BRINP3: variants seen among roughly 807,000 people sequenced by gnomAD.
BRINP3 encodes BMP/retinoic acid-inducible neural-specific protein 3.
A neutral mutation model predicts 71.0 loss-of-function variants in BRINP3; 19 were observed. The observed-to-expected ratio is 0.27, with a 90% CI of 0.19 to 0.39. The LOEUF (loss-of-function observed/expected upper bound fraction) is 0.39, where lower values mean the gene tolerates loss of function less well. Among genes scored for constraint, BRINP3 ranks in the 10% least tolerant of loss-of-function variants. The pLI is 1.00. For missense variants in BRINP3, 959 were observed against 940.8 expected, an observed-to-expected ratio of 1.02 and a Z score of -0.25; for synonymous variants, 380 against 337.7, an observed-to-expected ratio of 1.13 and a Z score of -1.37.
intron 2 of BRINP3, among the ~76,000 whole-genome samples, chr1:190,387,094 T>C (rs1027599449): frequency 7.2e-5 from 11 of 152,004 alleles, no homozygotes; most frequent in African/African-American, 2.7e-4. Context: ...GGGCAATTAA[T>C]GCATGCTTTT....
At chr1:190,401,891 C>G (rs1036924633) in intron 2 of BRINP3, among the ~76,000 whole-genome samples, 4 of 151,862 alleles carry the variant, frequency 2.6e-5, no homozygotes, top group African/African-American at 9.7e-5. Context: ...CCCAACCATG[C>G]CTTCCATTCA....
intron 2 of BRINP3, among the ~76,000 whole-genome samples, chr1:190,421,894 T>G (rs937365949): frequency 6.6e-6 from 1 of 151,872 alleles, no homozygotes; most frequent in Non-Finnish European, 1.5e-5. Context: ...TTTGTGGACA[T>G]TCCTTGCATT....
intron 3 of BRINP3, among the ~76,000 whole-genome samples, chr1:190,273,549 A>T (rs543985050): frequency 6.6e-6 from 1 of 151,708 alleles, no homozygotes; most frequent in South Asian, 2.1e-4. Context: ...TTCATAGAAA[A>T]TGGGAAACAG....
chr1:190,400,544 C>A (rs953344300), intron 2 of BRINP3, among the ~76,000 whole-genome samples: 1 of 152,232 alleles, frequency 6.6e-6, no homozygotes, highest in Non-Finnish European at 1.5e-5. Flanking sequence ...GAGGTTTCAG[C>A]GTGAGGTTTT....
chr1:190,296,021 C>T (rs1002132710), intron 2 of BRINP3, among the ~76,000 whole-genome samples: 2 of 150,054 alleles, frequency 1.3e-5, no homozygotes, highest in African/African-American at 4.9e-5. Context: ...TGATCTGGCT[C>T]CTCATTTGTC....
At chr1:190,154,414 G>T (rs1439502796) in intron 7 of BRINP3, among the ~76,000 whole-genome samples, 1 of 152,100 alleles carries the variant, frequency 6.6e-6, no homozygotes, top group Admixed American at 6.6e-5. Context: ...GGAAAAGAGG[G>T]CAAGATCCTA....
At chr1:190,174,148 G>A (rs1007084731) in intron 6 of BRINP3, among the ~76,000 whole-genome samples, 5 of 152,044 alleles carry the variant, frequency 3.3e-5, no homozygotes, top group African/African-American at 1.2e-4. Context: ...TAATTTACAT[G>A]TTACTTCAGT....
intron 6 of BRINP3, among the ~76,000 whole-genome samples, chr1:190,217,960 T>C (rs1401647351): frequency 6.6e-6 from 1 of 152,066 alleles, no homozygotes; most frequent in Non-Finnish European, 1.5e-5. Context: ...ACATAACATG[T>C]AGTGAGCTTT....
Position 190,226,177 on chromosome 1 carries a change from C to T in BRINP3, c.866G>A (p.Cys289Tyr). Residue 289 changes from cysteine (C) to tyrosine (Y), a missense_variant, in exon 6 of 8, where the codon TGC becomes TAC. Transcript: ENST00000367462. ...TTGAATGTCCATGGAGGGGCAGTTGCATTCTGGAAATTTGGGACCACAGTG... is the reference window on the plus strand; with the variant it reads ...TTGAATGTCCATGGAGGGGCAGTTGTATTCTGGAAATTTGGGACCACAGTG... ...WCHCGPKFPECNCPSMDIQAM... is the reference protein window; with the variant it reads ...WCHCGPKFPEYNCPSMDIQAM... 1 of 1,612,606 alleles carries T rather than the reference C, an allele frequency of 6.2e-7. No homozygotes were observed. Among genetic ancestry groups the T allele is most frequent in the Non-Finnish European group, 8.5e-7 (1 of 1,179,112 alleles).
intron 2 of BRINP3, among the ~76,000 whole-genome samples, chr1:190,452,725 G>A (rs1675700472): frequency 6.6e-6 from 1 of 151,998 alleles, no homozygotes; most frequent in Admixed American, 6.6e-5. Flanking sequence ...GCGCGGTGGC[G>A]GGCGCCTATT....
chr1:190,106,469 T>C (rs1217417653), intron 7 of BRINP3, among the ~76,000 whole-genome samples: 4 of 151,708 alleles, frequency 2.6e-5, no homozygotes, highest in African/African-American at 2.4e-5. Context: ...TTTAAAAGTA[T>C]AATATTATTT....
At chr1:190,229,645 A>AACACACACACACACACACACAC (rs71794093) in intron 5 of BRINP3, among the ~76,000 whole-genome samples, 1 of 133,414 alleles carries the variant, frequency 7.5e-6, no homozygotes, top group Non-Finnish European at 1.6e-5. Flanking sequence ...AACAAAACAA[A>AACACACACACACACACACACAC]ACACACACAC....
Position 190,226,309 on chromosome 1 carries a change from ACTTGAAGCC to A in BRINP3, c.725_733del (p.Gly242_Gln244del). Reference sequence around the variant, plus strand: ...TTCCTGAAGATAGTCTGGGAGAAGTACTTGAAGCCCTTGAAGAACAAACAAAGAAATTAA... The same window carrying A: ...TTCCTGAAGATAGTCTGGGAGAAGTACTTGAAGAACAAACAAAGAAATTAA... On this transcript the variant is annotated inframe_deletion and splice_region_variant, in exon 6 of 8. Transcript: ENST00000367462. The A allele has an allele frequency of 6.4e-7, 1 of 1,570,792 alleles. No individual in the cohort carries two copies. The highest frequency in any genetic ancestry group is 8.6e-7 in the Non-Finnish European group (1 of 1,158,150).
In BRINP3 at chr1:190,272,699, T is replaced by C. The variant is rs574914435; in HGVS notation, c.428-7644A>G. Among the ~76,000 whole-genome samples the C allele has an allele frequency of 6.6e-5, 10 of 151,554 alleles. No homozygotes were observed. In the South Asian group the frequency reaches 2.1e-3, roughly 31 times the overall value. Reference sequence around the variant, plus strand: ...TTATAATCAAAATATATAGGATTACTAATAATAGTAGTGGGTTATCATTTC... The same window carrying C: ...TTATAATCAAAATATATAGGATTACCAATAATAGTAGTGGGTTATCATTTC... On this transcript the variant is annotated intron_variant, in intron 3 of 7. Coordinates refer to ENST00000367462, the MANE Select transcript of BRINP3 (RefSeq NM_199051.3).
intron 4 of BRINP3, among the ~76,000 whole-genome samples, chr1:190,237,472 A>G (rs1251616938): frequency 6.6e-6 from 1 of 151,964 alleles, no homozygotes; most frequent in Non-Finnish European, 1.5e-5. Flanking sequence ...ACAGAATAGC[A>G]GTTTACTTGT....
chr1:190,415,227 G>A (rs1672936965), intron 2 of BRINP3, among the ~76,000 whole-genome samples: 1 of 152,066 alleles, frequency 6.6e-6, no homozygotes, highest in South Asian at 2.1e-4. Flanking sequence ...AGTAAATAAA[G>A]TTTGTTAAGT....
intron 2 of BRINP3, among the ~76,000 whole-genome samples, chr1:190,436,914 A>G (rs1374451257): frequency 6.6e-6 from 1 of 151,834 alleles, no homozygotes; most frequent in African/African-American, 2.4e-5. Flanking sequence ...AAGATACTAT[A>G]TTTACTCTCA....
chr1:190,210,827 G>C (rs1354565130), intron 6 of BRINP3, among the ~76,000 whole-genome samples: 1 of 152,028 alleles, frequency 6.6e-6, no homozygotes, highest in East Asian at 1.9e-4. Context: ...CCCTCAATCT[G>C]GGTGGGCACC....
intron 6 of BRINP3, among the ~76,000 whole-genome samples, chr1:190,211,960 C>T (rs1265393603): frequency 6.6e-6 from 1 of 152,070 alleles, no homozygotes; most frequent in African/African-American, 2.4e-5. Context: ...TTTTGCATAA[C>T]AATCTTGGAG....
Sources: allele counts gnomAD v4.1 joint callset (sites outside exome capture counted in the v4.1 genomes callset), GRCh38; gene constraint gnomAD v4.1.1; transcripts MANE v1.5; gene names NCBI Gene and HGNC (gene_info 2026-07-23, HGNC 2026-07-21).